The following GRM8 variants were observed in gnomAD, a reference collection of about 807,000 sequenced individuals.
The protein encoded by GRM8 is metabotropic glutamate receptor 8.
A neutral mutation model predicts 87.2 loss-of-function variants in GRM8; 47 were observed. The observed-to-expected ratio is 0.54, with a 90% confidence interval of 0.43 to 0.69. The LOEUF is 0.69. Among genes scored for constraint, GRM8 ranks in the 30% least tolerant of loss-of-function variants. The pLI, the probability that GRM8 is intolerant of heterozygous loss-of-function variation, is 0.00. For synonymous variants in GRM8, 396 were observed against 404.5 expected (o/e 0.98, Z 0.25); for missense variants, 1,019 against 1,139.2 (o/e 0.89, Z 1.52).
chr7:126,714,091 G>A (rs1001326530), intron 7 of GRM8, among the ~76,000 whole-genome samples: 12 of 150,320 alleles, frequency 8.0e-5, no homozygotes. Context: ...GGCCAACATT[G>A]TGAAACCTCA....
chr7:127,214,600 T>G (rs1376292054), intron 2 of GRM8, among the ~76,000 whole-genome samples: 3 of 152,166 alleles, frequency 2.0e-5, no homozygotes, highest in Non-Finnish European at 4.4e-5. Context: ...ACGTCTTACA[T>G]GGCGGCAGGA....
chr7:127,101,638 G>A (rs369214633), intron 3 of GRM8, among the ~76,000 whole-genome samples: 9 of 152,128 alleles, frequency 5.9e-5, no homozygotes, highest in Admixed American at 2.6e-4. Flanking sequence ...AGGAGCAGAT[G>A]TTGCTATGCT....
At chr7:127,052,558 G>T (rs1359498600) in intron 3 of GRM8, among the ~76,000 whole-genome samples, 1 of 152,180 alleles carries the variant, frequency 6.6e-6, no homozygotes, top group Non-Finnish European at 1.5e-5. Context: ...TTTAGAAAAT[G>T]ACCTTGAATT....
chr7:126,907,841 G>T (rs1239301610), intron 3 of GRM8, among the ~76,000 whole-genome samples: 1 of 152,168 alleles, frequency 6.6e-6, no homozygotes, highest in African/African-American at 2.4e-5. Context: ...GGGAAATGAT[G>T]ACTGAGCCAG....
At chr7:126,444,355 C>T (rs760809150) in intron 10 of GRM8, among the ~76,000 whole-genome samples, 1 of 152,078 alleles carries the variant, frequency 6.6e-6, no homozygotes, top group Non-Finnish European at 1.5e-5. Context: ...TACCTATACT[C>T]AGAGATGATT....
chr7:126,841,802 A>T (rs1350109191), intron 6 of GRM8, among the ~76,000 whole-genome samples: 6 of 151,448 alleles, frequency 4.0e-5, no homozygotes, highest in Admixed American at 2.0e-4. Flanking sequence ...ATTTTTTTTT[A>T]AATATATTTT....
chr7:127,013,712 T>G (rs1012321931), intron 3 of GRM8, among the ~76,000 whole-genome samples: 6 of 152,160 alleles, frequency 3.9e-5, no homozygotes, highest in Non-Finnish European at 7.4e-5. Context: ...AATAATTTAA[T>G]GAGTTCTTTT....
chr7:126,902,415 A>G (rs1802183862), intron 6 of GRM8, 127 bp downstream of exon 6: 1 of 779,612 alleles, frequency 1.3e-6, no homozygotes, highest in South Asian at 2.0e-5. Flanking sequence ...CTGAGACACT[A>G]TAACAAAAAG....
intron 6 of GRM8, among the ~76,000 whole-genome samples, chr7:126,879,996 A>G (rs1053932340): frequency 2.6e-5 from 4 of 152,222 alleles, no homozygotes; most frequent in African/African-American, 9.6e-5. Context: ...ATTTGCCTTA[A>G]GACAACCTTT....
chr7:126,715,107 C>G (rs1025079021), intron 7 of GRM8, among the ~76,000 whole-genome samples: 2 of 152,172 alleles, frequency 1.3e-5, no homozygotes, highest in South Asian at 4.1e-4. Flanking sequence ...AGCATTACTA[C>G]TGGCACTTTG....
At chr7:127,167,500 G>A (rs1257688910) in intron 2 of GRM8, among the ~76,000 whole-genome samples, 5 of 151,652 alleles carry the variant, frequency 3.3e-5, no homozygotes, top group African/African-American at 9.7e-5. Context: ...CAAGTCTATC[G>A]CTGTCATTTT....
rs140555442 is a variant in GRM8 at position 126,547,401 on chromosome 7, C to A, written c.1495-13514G>T. 3.6e-3 allele frequency among the ~76,000 whole-genome samples: 550 copies of A among 151,578 alleles called. 14 individuals carry two copies. The East Asian group carries it at 0.058, about 16-fold the overall frequency. On this transcript the variant is annotated intron_variant, in intron 8 of 10. Coordinates refer to ENST00000339582, the MANE Select transcript of GRM8 (RefSeq NM_000845.3). ...AATAGATGCATGAAATAGGAAATTT[C>A]TATTAAAAAATTCAGAAAGCATAAA...
At chr7:126,847,771 C>T (rs1435221450) in intron 6 of GRM8, among the ~76,000 whole-genome samples, 1 of 152,166 alleles carries the variant, frequency 6.6e-6, no homozygotes, top group East Asian at 1.9e-4. Flanking sequence ...CACAAGCCTT[C>T]CCAGATTCAA....
chr7:127,038,109 G>T (rs566288037), intron 3 of GRM8, among the ~76,000 whole-genome samples: 1 of 152,204 alleles, frequency 6.6e-6, no homozygotes, highest in Admixed American at 6.5e-5. Context: ...TTTTCTGTCA[G>T]TTGAGCCTCA....
chr7:126,672,749 C>T (rs1160729682), intron 7 of GRM8, among the ~76,000 whole-genome samples: 1 of 152,142 alleles, frequency 6.6e-6, no homozygotes. Flanking sequence ...TTACCCCTCC[C>T]CTTGTTTCAT....
chr7:126,949,455 CAAG>C (rs1374382722), intron 3 of GRM8, among the ~76,000 whole-genome samples: 4 of 152,148 alleles, frequency 2.6e-5, no homozygotes, highest in Non-Finnish European at 5.9e-5. Context: ...CTTCTACCTC[CAAG>C]AAGACCCTCT....
intron 7 of GRM8, among the ~76,000 whole-genome samples, chr7:126,759,820 A>G (rs866638068): frequency 3.3e-5 from 5 of 152,182 alleles, no homozygotes; most frequent in Non-Finnish European, 7.3e-5. Flanking sequence ...TCATCACCTT[A>G]CATTTAAACT....
At chr7:127,170,041 T>A (rs571441279) in intron 2 of GRM8, among the ~76,000 whole-genome samples, 23 of 152,330 alleles carry the variant, frequency 1.5e-4, no homozygotes, top group African/African-American at 5.5e-4. Flanking sequence ...AATTTTCAAG[T>A]CTTATTGTTA....
intron 9 of GRM8, among the ~76,000 whole-genome samples, chr7:126,517,306 T>C (rs1812323517): frequency 6.6e-6 from 1 of 152,068 alleles, no homozygotes; most frequent in African/African-American, 2.4e-5. Context: ...GTATGGCAAA[T>C]GAAGACTCGT....
Sources: gnomAD v4.1 joint callset for allele counts (sites outside exome capture counted in the v4.1 genomes callset) on GRCh38, gnomAD v4.1.1 for gene constraint, MANE v1.5 for transcripts, NCBI Gene and HGNC (gene_info 2026-07-23, HGNC 2026-07-21) for gene names.